Variants in NFIA observed in about 807,000 individuals in gnomAD.
NFIA encodes nuclear factor I A.
Under a neutral mutation model 62.8 loss-of-function variants are expected in NFIA, and 8 were observed. That is an observed-to-expected ratio of 0.13 (90% CI 0.07 to 0.23). NFIA has a LOEUF of 0.23. Ranked by LOEUF, NFIA falls within the 10% of genes least tolerant of loss-of-function variation. The pLI is 1.00. For missense variants in NFIA, 410 were observed against 642.1 expected, an observed-to-expected ratio of 0.64 and a Z score of 3.91; for synonymous variants, 235 against 238.1, an observed-to-expected ratio of 0.99 and a Z score of 0.12.
At chr1:61,187,939 C>T (rs527979719) in intron 2 of NFIA, among the ~76,000 whole-genome samples, 2 of 152,202 alleles carry the variant, frequency 1.3e-5, no homozygotes, top group South Asian at 2.1e-4. Context: ...TGAATAGCCT[C>T]GCTCACTTTG....
At chr1:61,410,281 T>C (rs1666039171) in intron 9 of NFIA, among the ~76,000 whole-genome samples, 1 of 152,148 alleles carries the variant, frequency 6.6e-6, no homozygotes, top group African/African-American at 2.4e-5. Context: ...TAAGAGAAGA[T>C]AGAACTTTTC....
At chr1:61,130,204 G>GA (rs1191378285) in intron 2 of NFIA, among the ~76,000 whole-genome samples, 3 of 152,148 alleles carry the variant, frequency 2.0e-5, no homozygotes, top group East Asian at 1.9e-4. Flanking sequence ...AGGAAGAAGA[G>GA]AAAAAAACCA....
At chr1:61,403,450 G>A (rs965834528) in intron 7 of NFIA, among the ~76,000 whole-genome samples, 3 of 152,164 alleles carry the variant, frequency 2.0e-5, no homozygotes, top group African/African-American at 7.2e-5. Context: ...CAACATTTTA[G>A]CAGGGGTCAC....
At chr1:61,124,406 G>C (rs1646935174) in intron 2 of NFIA, among the ~76,000 whole-genome samples, 1 of 152,058 alleles carries the variant, frequency 6.6e-6, no homozygotes, top group African/African-American at 2.4e-5. Flanking sequence ...ATGAGATATG[G>C]GTGCACAAAA....
chr1:61,353,528 G>T (rs1662666149), intron 5 of NFIA, among the ~76,000 whole-genome samples: 1 of 152,294 alleles, frequency 6.6e-6, no homozygotes, highest in Non-Finnish European at 1.5e-5. Flanking sequence ...TTTAATGTTT[G>T]TGTACTTTGC....
At chr1:61,171,723 G>A (rs143238200) in intron 2 of NFIA, among the ~76,000 whole-genome samples, 2 of 152,222 alleles carry the variant, frequency 1.3e-5, no homozygotes, top group East Asian at 3.9e-4. Context: ...GTGTGGATGT[G>A]ATGGTGTGTG....
intron 2 of NFIA, among the ~76,000 whole-genome samples, chr1:61,205,351 A>G (rs564402589): frequency 1.3e-5 from 2 of 152,292 alleles, no homozygotes; most frequent in South Asian, 2.1e-4. Flanking sequence ...TTGATTCAAG[A>G]GGTGTTTCAT....
At chr1:61,197,412 T>C (rs141423856) in intron 2 of NFIA, among the ~76,000 whole-genome samples, 79 of 151,508 alleles carry the variant, frequency 5.2e-4, no homozygotes, top group Middle Eastern at 3.5e-3. Flanking sequence ...CTTATTTTTC[T>C]ATTTTTAGTA....
At chr1:61,082,170 T>A, upstream of NFIA, 2 of 349,570 alleles carry the variant, frequency 5.7e-6, no homozygotes, top group Non-Finnish European at 9.7e-6. Flanking sequence ...TGCTCCTCAC[T>A]GCGTTACCCA....
At chr1:61,196,555 T>G (rs1652013634) in intron 2 of NFIA, among the ~76,000 whole-genome samples, 1 of 152,174 alleles carries the variant, frequency 6.6e-6, no homozygotes, top group African/African-American at 2.4e-5. Flanking sequence ...ATTTCAAAGA[T>G]CTCATGCTAA....
intron 3 of NFIA, among the ~76,000 whole-genome samples, chr1:61,312,506 A>G (rs1453736312): frequency 6.6e-6 from 1 of 151,592 alleles, no homozygotes; most frequent in Non-Finnish European, 1.5e-5. Flanking sequence ...AAAAATTCAA[A>G]TTAAGACTTT....
intron 2 of NFIA, among the ~76,000 whole-genome samples, chr1:61,227,183 C>T (rs938006576): frequency 6.6e-6 from 1 of 152,120 alleles, no homozygotes; most frequent in Admixed American, 6.6e-5. Flanking sequence ...AAGCCTGTAG[C>T]GACAGGGTTT....
chr1:61,397,487 C>G (rs1665337226), intron 7 of NFIA, among the ~76,000 whole-genome samples: 2 of 152,150 alleles, frequency 1.3e-5, no homozygotes, highest in African/African-American at 2.4e-5. Context: ...CAGAACAGGT[C>G]CTAGCACACA....
intron 10 of NFIA, among the ~76,000 whole-genome samples, chr1:61,448,702 C>T (rs1490301017): frequency 2.6e-5 from 4 of 152,216 alleles, no homozygotes; most frequent in Non-Finnish European, 4.4e-5. Flanking sequence ...GCTATGCACA[C>T]AGCTCTCTAG....
At chr1:61,082,005 G>A, upstream of NFIA, 2 of 1,550,140 alleles carry the variant, frequency 1.3e-6, no homozygotes, top group Non-Finnish European at 1.7e-6. Flanking sequence ...TGGCCCGGGG[G>A]GTGCGGGGCA....
At chr1:61,425,720 A>G (rs1196567236) in intron 9 of NFIA, among the ~76,000 whole-genome samples, 2 of 152,246 alleles carry the variant, frequency 1.3e-5, no homozygotes, top group Non-Finnish European at 2.9e-5. Context: ...ACAAAAACCA[A>G]CAACAAAACT....
intron 7 of NFIA, among the ~76,000 whole-genome samples, chr1:61,398,692 G>A (rs1029854922): frequency 2.0e-5 from 3 of 152,256 alleles, no homozygotes; most frequent in Non-Finnish European, 4.4e-5. Flanking sequence ...TTTAGAAAAG[G>A]CATCACCTCT....
chr1:61,423,846 C>A (rs763611271), intron 9 of NFIA, among the ~76,000 whole-genome samples: 3 of 152,042 alleles, frequency 2.0e-5, no homozygotes, highest in Non-Finnish European at 2.9e-5. Flanking sequence ...GTCAGAATTT[C>A]TTTCTTCCTT....
intron 2 of NFIA, among the ~76,000 whole-genome samples, chr1:61,252,964 ATAGAG>A (rs922236444): frequency 1.3e-5 from 2 of 152,186 alleles, no homozygotes; most frequent in African/African-American, 4.8e-5. Flanking sequence ...GAATTGGCAG[ATAGAG>A]TTTATATCTT....
Sources: gnomAD v4.1 joint callset for allele counts (sites outside exome capture counted in the v4.1 genomes callset) on GRCh38, gnomAD v4.1.1 for gene constraint, MANE v1.5 for transcripts, NCBI Gene and HGNC (gene_info 2026-07-23, HGNC 2026-07-21) for gene names.